Variants in ANKS1B observed in about 807,000 individuals in gnomAD.
The protein encoded by ANKS1B is ankyrin repeat and sterile alpha motif domain containing 1B, also known as ankyrin repeat and sterile alpha motif domain-containing protein 1B.
Under a neutral mutation model 148.3 loss-of-function variants are expected in ANKS1B, and 36 were observed. The ratio of observed to expected loss-of-function variants is 0.24; its 90% CI spans 0.19 to 0.32. The LOEUF (loss-of-function observed/expected upper bound fraction) is 0.32. Among genes scored for constraint, ANKS1B ranks in the 10% least tolerant of loss-of-function variants. The probability of loss-of-function intolerance (pLI) is 1.00; values close to 1 mark genes in which losing one functional copy is unlikely to be tolerated. For missense variants in ANKS1B, 1,157 were observed against 1,542.6 expected (o/e 0.75, Z 4.19); for synonymous variants, 542 against 560.8 (o/e 0.97, Z 0.47).
At chr12:99,659,777 T>C (rs2098467302) in intron 8 of ANKS1B, among the ~76,000 whole-genome samples, 1 of 152,186 alleles carries the variant, frequency 6.6e-6, no homozygotes, top group Non-Finnish European at 1.5e-5. Context: ...ATCCCTATTT[T>C]ACAAGTGAAA....
intron 17 of ANKS1B, among the ~76,000 whole-genome samples, chr12:98,941,794 C>A (rs2099837215): frequency 6.6e-6 from 1 of 151,884 alleles, no homozygotes; most frequent in Non-Finnish European, 1.5e-5. Context: ...TATTATTTTT[C>A]TTTTATTAGG....
At chr12:99,155,621 T>C (rs2075944011) in intron 14 of ANKS1B, among the ~76,000 whole-genome samples, 1 of 152,174 alleles carries the variant, frequency 6.6e-6, no homozygotes, top group Admixed American at 6.5e-5. Flanking sequence ...TTTTACTGAA[T>C]GGCAGATAGA....
intron 17 of ANKS1B, among the ~76,000 whole-genome samples, chr12:98,974,451 A>G (rs909309081): frequency 1.3e-5 from 2 of 152,220 alleles, no homozygotes; most frequent in Non-Finnish European, 2.9e-5. Flanking sequence ...CCCATAATGA[A>G]TACTCAATAG....
At chr12:99,315,234 A>G (rs2083841777) in intron 12 of ANKS1B, among the ~76,000 whole-genome samples, 2 of 148,712 alleles carry the variant, frequency 1.3e-5, no homozygotes, top group African/African-American at 5.1e-5. Context: ...GTGAGACTTC[A>G]TCTCAAAAAA....
chr12:99,418,184 C>A (rs1028053480), intron 11 of ANKS1B, among the ~76,000 whole-genome samples: 4 of 152,128 alleles, frequency 2.6e-5, no homozygotes, highest in Non-Finnish European at 5.9e-5. Flanking sequence ...TCAGAATACT[C>A]TGGACAAAAA....
intron 8 of ANKS1B, among the ~76,000 whole-genome samples, chr12:99,677,968 G>A (rs760886182): frequency 5.3e-5 from 8 of 152,012 alleles, no homozygotes; most frequent in South Asian, 2.1e-4. Context: ...GCAAGACTCC[G>A]TCTCAAAAAA....
At chr12:98,849,326 C>T (rs1291433430) in intron 17 of ANKS1B, among the ~76,000 whole-genome samples, 1 of 151,968 alleles carries the variant, frequency 6.6e-6, no homozygotes, top group Non-Finnish European at 1.5e-5. Context: ...TGTGTTGAAG[C>T]CTCCCTGCAG....
chr12:99,587,870 T>A (rs549610016), intron 9 of ANKS1B, among the ~76,000 whole-genome samples: 47 of 152,038 alleles, frequency 3.1e-4, no homozygotes, highest in Non-Finnish European at 5.4e-4. Flanking sequence ...AATATCAACA[T>A]GGAGGGATTG....
intron 1 of ANKS1B, among the ~76,000 whole-genome samples, chr12:99,873,128 T>TTAAATG (rs2091712891): frequency 6.6e-6 from 1 of 152,172 alleles, no homozygotes; most frequent in Non-Finnish European, 1.5e-5. Flanking sequence ...TGCATGTCAA[T>TTAAATG]CACTTAGCAC....
At chr12:99,874,207 A>G (rs1049619379) in intron 1 of ANKS1B, among the ~76,000 whole-genome samples, 1 of 152,054 alleles carries the variant, frequency 6.6e-6, no homozygotes, top group African/African-American at 2.4e-5. Context: ...ATGCAATCAG[A>G]CCAATGCAAT....
chr12:98,804,963 T>A (rs1377372260), intron 20 of ANKS1B, among the ~76,000 whole-genome samples: 1 of 152,328 alleles, frequency 6.6e-6, no homozygotes, highest in East Asian at 1.9e-4. Context: ...AGCTTATTTT[T>A]AATGAAAAGC....
chr12:99,693,805 G>A (rs12426041), intron 8 of ANKS1B, among the ~76,000 whole-genome samples: 20,095 of 146,234 alleles, frequency 0.14, 2,012 homozygotes, highest in East Asian at 0.45. Context: ...TTTTGAGATG[G>A]AATCTCGCTC....
intron 15 of ANKS1B, among the ~76,000 whole-genome samples, chr12:99,134,568 A>G (rs531560984): frequency 9.9e-5 from 15 of 151,838 alleles, no homozygotes; most frequent in East Asian, 5.8e-4. Flanking sequence ...CCTGTAACAC[A>G]CATATCCCCA....
At chr12:99,065,621 T>C (rs940167006) in intron 16 of ANKS1B, among the ~76,000 whole-genome samples, 1 of 128,142 alleles carries the variant, frequency 7.8e-6, no homozygotes, top group Non-Finnish European at 1.7e-5. Flanking sequence ...CATCCATCCA[T>C]CCATCCATCC....
At chr12:98,842,574 TG>T (rs1475034700) in intron 17 of ANKS1B, among the ~76,000 whole-genome samples, 1 of 152,240 alleles carries the variant, frequency 6.6e-6, no homozygotes, top group Non-Finnish European at 1.5e-5. Flanking sequence ...TTTCATGATG[TG>T]TAATTAAATT....
At position 99,399,702 on chromosome 12, in the gene ANKS1B, C is replaced by G; in HGVS notation, c.1685G>C (p.Ser562Thr). The stretch of plus-strand genomic sequence containing the variant: ...AGAGGTGGGTGGACTAGCAGGAGGA[C>G]TGGCAGTAAAGCTTGTGCACCCTGT... ...TSTGCTSFTA[S>T]PPASPPTSSV... The change falls in exon 12 of 27, where the codon AGT (serine) becomes ACT (threonine). Residue 562 changes from serine (S) to threonine (T), a missense_variant. This residue lies in a region of ANKS1B where 661 missense variants were observed against 642.1 expected (regional missense o/e 1.03). Transcript: ENST00000683438. 1 of 1,613,544 alleles carries G rather than the reference C, an allele frequency of 6.2e-7. No homozygotes were observed. The highest frequency in any genetic ancestry group is 1.1e-5 in the South Asian group (1 of 91,084).
intron 16 of ANKS1B, among the ~76,000 whole-genome samples, chr12:99,056,847 T>C (rs568437333): frequency 6.6e-6 from 1 of 152,330 alleles, no homozygotes; most frequent in Non-Finnish European, 1.5e-5. Context: ...AGCTCTGAGA[T>C]GCAAATTTCT....
intron 22 of ANKS1B, among the ~76,000 whole-genome samples, chr12:98,790,671 T>C (rs2098840542): frequency 6.6e-6 from 1 of 151,584 alleles, no homozygotes; most frequent in Non-Finnish European, 1.5e-5. Flanking sequence ...AGAAAGTCCC[T>C]CTCCAAAGCA....
At chr12:98,844,202 A>G (rs972295764) in intron 17 of ANKS1B, among the ~76,000 whole-genome samples, 1 of 152,234 alleles carries the variant, frequency 6.6e-6, no homozygotes, top group African/African-American at 2.4e-5. Context: ...AACGTCTCTC[A>G]GTATCACCTA....
Sources: allele counts gnomAD v4.1 joint callset (sites outside exome capture counted in the v4.1 genomes callset), GRCh38; gene constraint gnomAD v4.1.1; regional missense constraint gnomAD v4.1.1; transcripts MANE v1.5; gene names NCBI Gene and HGNC (gene_info 2026-07-23, HGNC 2026-07-21).